The following CA10 variants were observed in gnomAD, a reference collection of about 807,000 sequenced individuals.
CA10 encodes the protein carbonic anhydrase-related protein 10.
A neutral mutation model predicts 44.2 loss-of-function variants in CA10; 14 were observed. The ratio of observed to expected loss-of-function variants is 0.32; its 90% CI spans 0.21 to 0.50. The LOEUF (loss-of-function observed/expected upper bound fraction) is 0.50, where lower values mean the gene tolerates loss of function less well. CA10 is among the 20% of genes least tolerant of loss of function. The pLI is 0.99. For synonymous variants in CA10, 159 were observed against 141.6 expected (o/e 1.12, Z -0.87); for missense variants, 350 against 409.7 (o/e 0.85, Z 1.26).
At chr17:52,033,799 CTT>C (rs1162282346) in intron 2 of CA10, among the ~76,000 whole-genome samples, 1 of 152,130 alleles carries the variant, frequency 6.6e-6, no homozygotes, top group Non-Finnish European at 1.5e-5. Flanking sequence ...GAAAATATCT[CTT>C]TTGATCAATT....
intron 3 of CA10, among the ~76,000 whole-genome samples, chr17:51,822,667 G>T (rs964335520): frequency 6.6e-6 from 1 of 152,160 alleles, no homozygotes; most frequent in Non-Finnish European, 1.5e-5. Flanking sequence ...CTCAATAAAT[G>T]TAAGTAGGAA....
At chr17:51,773,879 T>C (rs765248662) in intron 3 of CA10, among the ~76,000 whole-genome samples, 10 of 152,196 alleles carry the variant, frequency 6.6e-5, no homozygotes, top group Non-Finnish European at 1.3e-4. Context: ...GTTGGCTCGG[T>C]TGCTGGTAGA....
At chr17:51,750,871 G>A (rs1020497199) in intron 3 of CA10, among the ~76,000 whole-genome samples, 2 of 152,182 alleles carry the variant, frequency 1.3e-5, no homozygotes, top group Non-Finnish European at 1.5e-5. Flanking sequence ...TCTGTCTAAT[G>A]TTCTCAAGAA....
At chr17:51,675,603 C>A (rs1225124756) in intron 4 of CA10, among the ~76,000 whole-genome samples, 5 of 150,338 alleles carry the variant, frequency 3.3e-5, no homozygotes, top group Non-Finnish European at 7.4e-5. Context: ...GTAATCCCAG[C>A]TACTCAGGAG....
chr17:51,658,105 T>C (rs1420447433), intron 4 of CA10, among the ~76,000 whole-genome samples: 1 of 152,202 alleles, frequency 6.6e-6, no homozygotes, highest in Non-Finnish European at 1.5e-5. Context: ...ACTACCAGTC[T>C]TGTCATGATG....
At chr17:51,746,611 C>G (rs1436438480) in intron 4 of CA10, among the ~76,000 whole-genome samples, 1 of 152,216 alleles carries the variant, frequency 6.6e-6, no homozygotes. Flanking sequence ...ACTTTAATGA[C>G]TTGAATGTAG....
chr17:52,067,892 C>T (rs1345152395), intron 2 of CA10, among the ~76,000 whole-genome samples: 1 of 152,202 alleles, frequency 6.6e-6, no homozygotes, highest in East Asian at 1.9e-4. Flanking sequence ...TGCATTGTAT[C>T]CAGGAAGTAA....
intron 3 of CA10, among the ~76,000 whole-genome samples, chr17:51,818,492 A>T (rs567247375): frequency 6.6e-6 from 1 of 152,182 alleles, no homozygotes; most frequent in South Asian, 2.1e-4. Context: ...AGAAACAAGC[A>T]TCTAGGGAGG....
intron 2 of CA10, among the ~76,000 whole-genome samples, chr17:51,953,926 TCCAAGAAAGTTAAA>T (rs2040867283): frequency 1.3e-5 from 2 of 152,260 alleles, no homozygotes; most frequent in South Asian, 4.1e-4. Flanking sequence ...TGCTCAGTGC[TCCAAGAAAGTTAAA>T]CCAACAAATA....
intron 3 of CA10, among the ~76,000 whole-genome samples, chr17:51,930,382 T>C (rs1982603843): frequency 6.6e-6 from 1 of 152,130 alleles, no homozygotes; most frequent in Non-Finnish European, 1.5e-5. Flanking sequence ...CAATGGGCAC[T>C]TGTGCCCTTC....
At chr17:51,940,409 T>A (rs1370796500) in intron 2 of CA10, among the ~76,000 whole-genome samples, 1 of 152,026 alleles carries the variant, frequency 6.6e-6, no homozygotes, top group African/African-American at 2.4e-5. Context: ...GAGTTAGGAC[T>A]AGTGATCCTA....
chr17:51,633,515 C>G lies in CA10; in HGVS notation c.925G>C (p.Asp309His), dbSNP rs1332901306. Reference protein sequence around the residue: ...TNINFSLQGKDCPNNRAQKLQ... With the variant: ...TNINFSLQGKHCPNNRAQKLQ... ...TTCTGGGCTCGGTTGTTTGGACAGT[C>G]CTTCCCCTGTAAACTGAAGTTGATA... The change falls in exon 8 of 9, where the codon GAC (aspartate) becomes CAC (histidine). Residue 309 changes from aspartate (D) to histidine (H), a missense_variant. Transcript: ENST00000451037. The G allele has an allele frequency of 6.2e-7, 1 of 1,614,006 alleles. No individual in the cohort carries two copies. The highest frequency in any genetic ancestry group is 8.5e-7 in the Non-Finnish European group (1 of 1,179,942).
chr17:52,066,035 G>A (rs1254407766), intron 2 of CA10, among the ~76,000 whole-genome samples: 1 of 152,178 alleles, frequency 6.6e-6, no homozygotes, highest in Admixed American at 6.5e-5. Flanking sequence ...ACGATTGTAA[G>A]TTTCATGAGG....
intron 4 of CA10, among the ~76,000 whole-genome samples, chr17:51,718,184 C>T (rs1407821278): frequency 6.7e-6 from 1 of 149,934 alleles, no homozygotes; most frequent in Admixed American, 6.7e-5. Context: ...AGTCATGTAA[C>T]CAAATACCAC....
chr17:51,789,241 T>C (rs2009648), intron 3 of CA10, among the ~76,000 whole-genome samples: 112,219 of 152,068 alleles, frequency 0.74, 41,609 homozygotes, highest in East Asian at 0.91. Flanking sequence ...GTCTCGAACT[T>C]ATGACCTCAG....
chr17:51,931,207 T>A, intron 2 of CA10, 75 bp from the exon 3 acceptor site: 1 of 1,425,636 alleles, frequency 7.0e-7, no homozygotes, highest in Admixed American at 1.9e-5. Context: ...CAGAGCTATG[T>A]ACAAACGTGG....
chr17:52,028,840 T>C (rs184810148), intron 2 of CA10, among the ~76,000 whole-genome samples: 2 of 152,348 alleles, frequency 1.3e-5, no homozygotes, highest in Admixed American at 1.3e-4. Context: ...GCTGTGACGA[T>C]AGGACTTTTA....
intron 2 of CA10, among the ~76,000 whole-genome samples, chr17:51,974,386 T>TAAA (rs199608195): frequency 2.5e-5 from 1 of 40,238 alleles, no homozygotes; most frequent in Admixed American, 3.0e-4. Flanking sequence ...CCATCTCATT[T>TAAA]AAAAAAAAAA....
At position 51,783,737 on chromosome 17, in the gene CA10, G is replaced by C. The variant is rs142519758; in HGVS notation, c.280-35919C>G. 4.1e-3 allele frequency among the ~76,000 whole-genome samples: 625 copies of C among 152,336 alleles called. 5 individuals are homozygous for C. The highest frequency in any genetic ancestry group is 0.014 in the African/African-American group (600 of 41,578). ...CCTTGGATAAATGAGAATTTCCAGA[G>C]TCAGTTCTTTCTCAGATACAAATGG... On this transcript the variant is annotated intron_variant, in intron 3 of 8. Coordinates refer to ENST00000451037, the MANE Select transcript of CA10 (RefSeq NM_020178.5).
Sources: gnomAD v4.1 joint callset for allele counts (sites outside exome capture counted in the v4.1 genomes callset) on GRCh38, gnomAD v4.1.1 for gene constraint, MANE v1.5 for transcripts, NCBI Gene and HGNC (gene_info 2026-07-23, HGNC 2026-07-21) for gene names.